Variants in TRPV4 observed in about 807,000 individuals in gnomAD.
TRPV4 encodes the protein transient receptor potential cation channel subfamily V member 4.
TRPV4 carries 58 observed loss-of-function variants against 84.1 expected under a neutral mutation model. The ratio of observed to expected loss-of-function variants is 0.69; its 90% CI spans 0.56 to 0.86. TRPV4 has a LOEUF of 0.86. Among genes scored for constraint, TRPV4 ranks in the 40% least tolerant of loss-of-function variants. The pLI, the probability that TRPV4 is intolerant of heterozygous loss-of-function variation, is 0.00. For synonymous variants in TRPV4, 489 were observed against 500.9 expected (o/e 0.98, Z 0.32); for missense variants, 879 against 1,181.1 (o/e 0.74, Z 3.75).
At position 109,812,812 on chromosome 12, in the gene TRPV4, T is replaced by C. The variant is rs557904497; in HGVS notation, c.386+1599A>G. Among the ~76,000 whole-genome samples, 13 of 152,216 alleles carry C rather than the reference T, an allele frequency of 8.5e-5. No individual in the cohort carries two copies. The South Asian group carries it at 2.1e-3, about 24-fold the overall frequency. On this transcript the variant is annotated intron_variant, in intron 2 of 15. Coordinates refer to ENST00000261740, the MANE Select transcript of TRPV4 (RefSeq NM_021625.5). ...AAATGACATTCAGATGAGAAAATGG[T>C]AGATGAATGGAAGGTTGGTTATATG...
chr12:109,808,422 T>A lies in TRPV4; in HGVS notation c.433A>T (p.Ile145Phe). 1 of 1,613,730 alleles carries A rather than the reference T, an allele frequency of 6.2e-7. No homozygotes were observed. Among genetic ancestry groups the A allele is most frequent in the East Asian group, 2.2e-5 (1 of 44,866 alleles). Reference protein sequence around the residue: ...PKAPAPQPPPILKVFNRPILF... With the variant: ...PKAPAPQPPPFLKVFNRPILF... ...ATAGGCCGGTTGAAGACTTTGAGGATGGGGGGCGGCTGAGGGGCAGGGGCT... is the reference window on the plus strand; with the variant it reads ...ATAGGCCGGTTGAAGACTTTGAGGAAGGGGGGCGGCTGAGGGGCAGGGGCT... Residue 145 changes from isoleucine (I) to phenylalanine (F), a missense_variant, in exon 3 of 16, where the codon ATC becomes TTC. This residue lies in a region of TRPV4 where 521 missense variants were observed against 686.6 expected (regional missense o/e 0.76). Coordinates refer to ENST00000261740, the MANE Select transcript of TRPV4 (RefSeq NM_021625.5).
At chr12:109,823,184 C>A (rs1892157306) in intron 1 of TRPV4, among the ~76,000 whole-genome samples, 1 of 152,220 alleles carries the variant, frequency 6.6e-6, no homozygotes, top group Non-Finnish European at 1.5e-5. Flanking sequence ...AGCACCTTCC[C>A]TGGCCAGCCT....
At chr12:109,825,726 C>T (rs1892234750) in intron 1 of TRPV4, among the ~76,000 whole-genome samples, 1 of 152,304 alleles carries the variant, frequency 6.6e-6, no homozygotes, top group East Asian at 1.9e-4. Context: ...TCCATGCATA[C>T]GTTCCTCTAC....
At position 109,798,517 on chromosome 12, in the gene TRPV4, G is replaced by A. The variant is rs1890554871; in HGVS notation, c.1152+97C>T. On this transcript the variant is annotated intron_variant, in intron 6 of 15. Transcript: ENST00000261740. The surrounding 1 kb of genome is among the most constrained non-coding windows in gnomAD (Gnocchi z 5.0). ...GGGGTTGGCATGTTGGGAGGTGCAT[G>A]CACGTATTAATAATGAATACCAGCA... is the stretch of plus-strand genomic sequence containing the variant. 5 of 1,472,596 alleles carry A rather than the reference G, an allele frequency of 3.4e-6. No homozygotes were observed. The highest frequency in any genetic ancestry group is 4.6e-6 in the Non-Finnish European group (5 of 1,077,938). 91.2% of individuals were successfully genotyped at this position (1,472,596 alleles called of 1,614,324 possible). A position where few individuals can be genotyped will look rare whatever the true frequency, so the allele number is the denominator to read the frequency against.
chr12:109,827,543 C>T (rs1263606733), intron 1 of TRPV4, among the ~76,000 whole-genome samples: 1 of 143,178 alleles, frequency 7.0e-6, no homozygotes, highest in Non-Finnish European at 1.5e-5. Context: ...ATGGAACCCA[C>T]CCTCCATAAA....
chr12:109,798,831 G>A lies in TRPV4; in HGVS notation c.935C>T (p.Ala312Val), dbSNP rs751139506. ...NYLTENPHKK[A>V]DMRRQDSRGN... ...TCGCGAGTCCTGGCGCCGCATGTCCGCCTTCTTGTGGGGGTTCTCCGTCAG... is the reference window on the plus strand; with the variant it reads ...TCGCGAGTCCTGGCGCCGCATGTCCACCTTCTTGTGGGGGTTCTCCGTCAG... Residue 312 changes from alanine to valine, a missense_variant, in exon 6 of 16, where the codon GCG becomes GTG. Ala to Val is a moderately conservative substitution (Grantham distance 64). This residue lies in a region of TRPV4 where 521 missense variants were observed against 686.6 expected (regional missense o/e 0.76). Transcript: ENST00000261740. The surrounding 1 kb of genome is among the most constrained non-coding windows in gnomAD (Gnocchi z 5.0). 7 of 1,614,100 alleles carry A rather than the reference G, an allele frequency of 4.3e-6. No individual in the cohort carries two copies. The highest frequency in any genetic ancestry group is 1.6e-4 in the Middle Eastern group (1 of 6,062).
At chr12:109,829,791 C>A (rs1380293320) in intron 1 of TRPV4, among the ~76,000 whole-genome samples, 1 of 152,212 alleles carries the variant, frequency 6.6e-6, no homozygotes, top group Non-Finnish European at 1.5e-5. Context: ...CTTAAACATG[C>A]GGATGCAGTT....
At chr12:109,825,666 G>C (rs1462165395) in intron 1 of TRPV4, among the ~76,000 whole-genome samples, 1 of 152,180 alleles carries the variant, frequency 6.6e-6, no homozygotes, top group Non-Finnish European at 1.5e-5. Context: ...GTCAGGACAA[G>C]GGCTGCCTCC....
At chr12:109,810,769 C>A (rs779164217) in intron 2 of TRPV4, among the ~76,000 whole-genome samples, 2 of 152,126 alleles carry the variant, frequency 1.3e-5, no homozygotes, top group East Asian at 1.9e-4. Context: ...ACTGAGGCAG[C>A]CTTCAGGGCT....
At chr12:109,831,805 T>C (rs1362739233) in intron 1 of TRPV4, among the ~76,000 whole-genome samples, 1 of 152,246 alleles carries the variant, frequency 6.6e-6, no homozygotes, top group Admixed American at 6.5e-5. Flanking sequence ...CAGCCCCACC[T>C]TGATCTTACA....
chr12:109,825,551 C>T (rs1892229187), intron 1 of TRPV4, among the ~76,000 whole-genome samples: 1 of 152,114 alleles, frequency 6.6e-6, no homozygotes, highest in Non-Finnish European at 1.5e-5. Flanking sequence ...CACTGGAACC[C>T]AGACTTCCCG....
chr12:109,794,619 A>G (rs1890275025), intron 7 of TRPV4, 132 bp from the exon 8 acceptor site: 5 of 931,642 alleles, frequency 5.4e-6, no homozygotes, highest in Middle Eastern at 3.0e-4. Flanking sequence ...CCTCAGCTGC[A>G]TTCACGGATT....
intron 1 of TRPV4, among the ~76,000 whole-genome samples, chr12:109,829,472 A>AT (rs913361171): frequency 3.9e-5 from 6 of 152,244 alleles, no homozygotes; most frequent in African/African-American, 9.6e-5. Flanking sequence ...TGCTGAAAAC[A>AT]TATCATTATT....
At chr12:109,800,516 G>A in intron 5 of TRPV4, 102 bp downstream of exon 5, 2 of 1,468,260 alleles carry the variant, frequency 1.4e-6, no homozygotes, top group East Asian at 2.3e-5. Flanking sequence ...GTGGCCCTGG[G>A]TGTCTGGGTG....
intron 1 of TRPV4, among the ~76,000 whole-genome samples, chr12:109,828,704 T>C (rs1892334265): frequency 6.6e-6 from 1 of 152,210 alleles, no homozygotes; most frequent in Non-Finnish European, 1.5e-5. Flanking sequence ...GAAGCTAAGC[T>C]GGCCACTGGG....
intron 2 of TRPV4, among the ~76,000 whole-genome samples, chr12:109,810,502 G>C (rs891846500): frequency 3.3e-5 from 5 of 152,190 alleles, no homozygotes; most frequent in Admixed American, 1.3e-4. Flanking sequence ...TACCCAGCCT[G>C]TCTTGCCATG....
At chr12:109,805,944 C>T (rs901589214) in intron 3 of TRPV4, among the ~76,000 whole-genome samples, 14 of 152,240 alleles carry the variant, frequency 9.2e-5, no homozygotes, top group African/African-American at 2.4e-5. Flanking sequence ...TGCCAGCATC[C>T]ATCTCCCAGG....
intron 14 of TRPV4, among the ~76,000 whole-genome samples, chr12:109,785,412 CTATT>C (rs1889626140): frequency 6.6e-6 from 1 of 150,712 alleles, no homozygotes; most frequent in Non-Finnish European, 1.5e-5. Flanking sequence ...TTTATCCTAT[CTATT>C]CATTTTTGTT....
At chr12:109,806,811 T>G (rs879467518) in intron 3 of TRPV4, among the ~76,000 whole-genome samples, 1 of 144,026 alleles carries the variant, frequency 6.9e-6, no homozygotes, top group Admixed American at 7.3e-5. Context: ...CAGGGAGCTG[T>G]GATCACACCA....
Sources: allele counts gnomAD v4.1 joint callset (sites outside exome capture counted in the v4.1 genomes callset), GRCh38; gene constraint gnomAD v4.1.1; regional missense constraint gnomAD v4.1.1; non-coding constraint Gnocchi (gnomAD v3.1); transcripts MANE v1.5; gene names NCBI Gene and HGNC (gene_info 2026-07-23, HGNC 2026-07-21).